Variants in TTC28 observed in about 807,000 individuals in gnomAD.
TTC28 encodes tetratricopeptide repeat protein 28.
In TTC28, 61 loss-of-function variants were observed where a neutral mutation model predicts 198.0. The observed-to-expected ratio is 0.31, with a 90% confidence interval of 0.25 to 0.38. The LOEUF (loss-of-function observed/expected upper bound fraction) is 0.38. Among genes scored for constraint, TTC28 ranks in the 10% least tolerant of loss-of-function variants. TTC28 has a pLI of 1.00. For synonymous variants in TTC28, 1,171 were observed against 1,297.8 expected, an observed-to-expected ratio of 0.90 and a Z score of 2.10; for missense variants, 2,678 against 3,164.0, an observed-to-expected ratio of 0.85 and a Z score of 3.69.
At chr22:28,627,845 T>A (rs2051102027) in intron 2 of TTC28, among the ~76,000 whole-genome samples, 1 of 152,186 alleles carries the variant, frequency 6.6e-6, no homozygotes, top group Non-Finnish European at 1.5e-5. Flanking sequence ...GCAGCAATAC[T>A]AGAAATTCCA....
chr22:28,219,727 T>C (rs1927705556), intron 5 of TTC28, among the ~76,000 whole-genome samples: 1 of 152,172 alleles, frequency 6.6e-6, no homozygotes, highest in Admixed American at 6.5e-5. Context: ...AAAATTAATA[T>C]GAGAATGATG....
intron 2 of TTC28, among the ~76,000 whole-genome samples, chr22:28,493,742 T>A (rs1435426186): frequency 1.3e-5 from 2 of 152,112 alleles, no homozygotes. Flanking sequence ...AATATTGCAA[T>A]TATGCTTCTG....
rs938320752 is a variant in TTC28 at position 28,107,645 on chromosome 22, T to C, written c.2200A>G (p.Ile734Val). 5.2e-6 allele frequency: 8 copies of C among 1,551,644 alleles called. No individual in the cohort carries two copies. The African/African-American group carries it at 6.8e-5, about 13-fold the overall frequency. The change falls in exon 7 of 23, where the codon ATA (isoleucine) becomes GTA (valine). Residue 734 changes from isoleucine (I) to valine (V), a missense_variant. Ile to Val is a conservative substitution (Grantham distance 29). Coordinates refer to ENST00000397906, the MANE Select transcript of TTC28 (RefSeq NM_001145418.2). The part of the protein sequence containing the change: ...FICKKDINGA[I>V]KFYEQQLGLA... ...CCCAGTTGCTGCTCATAGAATTTTA[T>C]TGCACCATTTATATCTTTTTTACAG...
chr22:28,146,555 G>T (rs1198457459), intron 6 of TTC28, among the ~76,000 whole-genome samples: 2 of 152,326 alleles, frequency 1.3e-5, no homozygotes, highest in Admixed American at 1.3e-4. Flanking sequence ...TTAAACTCCA[G>T]ATCTCCTTGT....
intron 2 of TTC28, among the ~76,000 whole-genome samples, chr22:28,558,732 A>G (rs928356843): frequency 5.3e-5 from 8 of 151,540 alleles, no homozygotes; most frequent in East Asian, 1.9e-4. Flanking sequence ...AGATTATCCT[A>G]AAGAATTTCC....
At chr22:28,441,018 G>C (rs1027311531) in intron 2 of TTC28, among the ~76,000 whole-genome samples, 2 of 152,154 alleles carry the variant, frequency 1.3e-5, no homozygotes, top group African/African-American at 2.4e-5. Context: ...ATGAGATTAT[G>C]AATACAGTGA....
chr22:28,189,937 G>C (rs994330957), intron 5 of TTC28, among the ~76,000 whole-genome samples: 1 of 152,078 alleles, frequency 6.6e-6, no homozygotes, highest in African/African-American at 2.4e-5. Context: ...TTTCTTATTA[G>C]GAAGCTTAAG....
intron 5 of TTC28, among the ~76,000 whole-genome samples, chr22:28,231,072 A>G (rs142575570): frequency 2.0e-5 from 3 of 152,298 alleles, no homozygotes; most frequent in Non-Finnish European, 4.4e-5. Flanking sequence ...ATCTTTCAAC[A>G]ATCTTTTCTT....
rs181446593 is a variant in TTC28 at position 28,662,082 on chromosome 22, C to T, written c.102+17540G>A. ...ATACATAAAGAAATTACACTGCTCACATTGTAATTAATTTCATCTTTTCAT... is the reference window on the plus strand; with the variant it reads ...ATACATAAAGAAATTACACTGCTCATATTGTAATTAATTTCATCTTTTCAT... On this transcript the variant is annotated intron_variant, in intron 1 of 22. Transcript: ENST00000397906. Among the ~76,000 whole-genome samples, 172 of 152,280 alleles carry T rather than the reference C, an allele frequency of 1.1e-3. 1 individual carries two copies. Among genetic ancestry groups the T allele is most frequent in the Admixed American group, 0.011 (171 of 15,280 alleles).
chr22:28,571,058 C>T (rs1190431765), intron 2 of TTC28, among the ~76,000 whole-genome samples: 1 of 152,026 alleles, frequency 6.6e-6, no homozygotes, highest in East Asian at 1.9e-4. Flanking sequence ...AAGTACAACA[C>T]ACAAAATGAT....
At chr22:28,257,739 CATATATATATAT>C (rs66590909) in intron 5 of TTC28, among the ~76,000 whole-genome samples, 135 of 96,580 alleles carry the variant, frequency 1.4e-3, no homozygotes, top group South Asian at 3.1e-3. Flanking sequence ...GGTAATAGAA[CATATATATATAT>C]ATATATATAT....
At chr22:28,448,786 G>C (rs1304323578) in intron 2 of TTC28, among the ~76,000 whole-genome samples, 1 of 152,148 alleles carries the variant, frequency 6.6e-6, no homozygotes, top group Non-Finnish European at 1.5e-5. Context: ...AACTGCTACA[G>C]ATCACTCCAC....
chr22:28,101,105 A>T, intron 9 of TTC28, 66 bp downstream of exon 9: 1 of 1,219,318 alleles, frequency 8.2e-7, no homozygotes, highest in Non-Finnish European at 1.2e-6. Context: ...CTACTAGGAC[A>T]GTAATCCTAA....
intron 6 of TTC28, among the ~76,000 whole-genome samples, chr22:28,131,450 G>A (rs774489631): frequency 1.1e-4 from 17 of 152,190 alleles, no homozygotes; most frequent in Non-Finnish European, 1.6e-4. Flanking sequence ...TCTGTACACC[G>A]TAGCATGCTG....
chr22:28,353,015 G>A (rs1256950610), intron 2 of TTC28, among the ~76,000 whole-genome samples: 2 of 152,132 alleles, frequency 1.3e-5, no homozygotes, highest in Admixed American at 6.6e-5. Context: ...AACCTCAACA[G>A]GCAGTCCAAA....
chr22:28,124,819 A>G (rs1319357329), intron 6 of TTC28, among the ~76,000 whole-genome samples: 1 of 152,172 alleles, frequency 6.6e-6, no homozygotes, highest in Non-Finnish European at 1.5e-5. Context: ...TCATGCTCCT[A>G]GAACTTGGAG....
chr22:28,667,278 T>C (rs1437845638), intron 1 of TTC28, among the ~76,000 whole-genome samples: 1 of 36,774 alleles, frequency 2.7e-5, no homozygotes, highest in Non-Finnish European at 4.8e-5. Flanking sequence ...CTATTCAACA[T>C]AGTGTTGGAA....
At chr22:28,191,835 C>T (rs1177073030) in intron 5 of TTC28, among the ~76,000 whole-genome samples, 1 of 152,202 alleles carries the variant, frequency 6.6e-6, no homozygotes, top group East Asian at 1.9e-4. Context: ...AGGAGGCCTG[C>T]CTGCCTCTGT....
chr22:28,153,414 A>C (rs1473998255), intron 6 of TTC28, among the ~76,000 whole-genome samples: 1 of 150,708 alleles, frequency 6.6e-6, no homozygotes, highest in African/African-American at 2.4e-5. Flanking sequence ...AAAAAAAAAA[A>C]AAAACCTTCG....
Sources: allele counts gnomAD v4.1 joint callset (sites outside exome capture counted in the v4.1 genomes callset), GRCh38; gene constraint gnomAD v4.1.1; transcripts MANE v1.5; gene names NCBI Gene and HGNC (gene_info 2026-07-23, HGNC 2026-07-21).